PCDHA1: variants seen among roughly 807,000 people sequenced by gnomAD.
PCDHA1 encodes protocadherin alpha 1.
PCDHA1 carries 42 observed loss-of-function variants against 61.3 expected under a neutral mutation model. That is an observed-to-expected ratio of 0.69 (90% CI 0.54 to 0.89). The LOEUF (loss-of-function observed/expected upper bound fraction) is 0.89, where lower values mean the gene tolerates loss of function less well. Ranked by LOEUF, PCDHA1 falls within the 40% of genes least tolerant of loss-of-function variation. PCDHA1 has a pLI of 0.00. For synonymous variants in PCDHA1, 610 were observed against 553.8 expected, an observed-to-expected ratio of 1.10 and a Z score of -1.43; for missense variants, 1,256 against 1,235.3, an observed-to-expected ratio of 1.02 and a Z score of -0.25.
intron 1 of PCDHA1, among the ~76,000 whole-genome samples, chr5:140,917,311 G>T (rs2078013594): frequency 6.7e-6 from 1 of 148,748 alleles, no homozygotes; most frequent in Non-Finnish European, 1.5e-5. Flanking sequence ...GTTACAATTT[G>T]GTGTTCATGT....
intron 1 of PCDHA1, chr5:140,822,232 C>T (rs1408696060): frequency 1.2e-6 from 2 of 1,614,214 alleles, no homozygotes; most frequent in Admixed American, 3.3e-5. Flanking sequence ...GCGGTTTCCG[C>T]TAGAGGGCGC....
At chr5:140,828,006 A>G in intron 1 of PCDHA1, 1 of 1,503,668 alleles carries the variant, frequency 6.7e-7, no homozygotes, top group Non-Finnish European at 8.9e-7. Flanking sequence ...GACGCAGAAG[A>G]AATGGATTAA....
chr5:140,795,440 A>T (rs1581614405), intron 1 of PCDHA1: 6 of 1,614,186 alleles, frequency 3.7e-6, no homozygotes, highest in Admixed American at 1.7e-5. Flanking sequence ...GGAGCATCTG[A>T]TGCAGATATA....
intron 1 of PCDHA1, chr5:140,843,119 G>C (rs2150353177): frequency 6.3e-7 from 1 of 1,595,872 alleles, no homozygotes; most frequent in South Asian, 1.1e-5. Flanking sequence ...AGTGGACGCC[G>C]ACTCGGGCTA....
At chr5:140,848,341 T>C (rs1175376105) in intron 1 of PCDHA1, 6 of 896,220 alleles carry the variant, frequency 6.7e-6, no homozygotes, top group Non-Finnish European at 1.0e-5. Context: ...TCCAGACAAA[T>C]ACAGCCCTTT....
intron 1 of PCDHA1, chr5:140,928,069 A>C (rs782427256): frequency 6.2e-7 from 1 of 1,614,180 alleles, no homozygotes; most frequent in Non-Finnish European, 8.5e-7. Context: ...TTCCTTTGAC[A>C]ACTACTACAG....
chr5:140,908,846 T>C (rs2074185614), intron 1 of PCDHA1, among the ~76,000 whole-genome samples: 1 of 152,176 alleles, frequency 6.6e-6, no homozygotes, highest in South Asian at 2.1e-4. Context: ...TGGAGTAACA[T>C]ACCCAAATGA....
At chr5:140,796,552 C>T (rs1275067211) in intron 1 of PCDHA1, 3 of 1,613,104 alleles carry the variant, frequency 1.9e-6, no homozygotes, top group South Asian at 2.2e-5. Flanking sequence ...GGAAGTGGAG[C>T]TGCTGCAGTT....
intron 1 of PCDHA1, chr5:140,852,574 G>T (rs1056497020): frequency 3.8e-6 from 3 of 793,008 alleles, no homozygotes; most frequent in Non-Finnish European, 4.7e-6. Context: ...CTGTGCCAAG[G>T]CTTTTTTATT....
rs2150363462 is a variant in PCDHA1 at position 140,843,611 on chromosome 5, C to A, written c.2394+54927C>A. 3 of 1,595,894 alleles carry A rather than the reference C, an allele frequency of 1.9e-6. No individual in the cohort carries two copies. In the South Asian group the frequency reaches 3.3e-5, roughly 18 times the overall value. ...GCAGAGGGTGTGCTCTGGTGAGGGG[C>A]CACCGAAGACGGACCTCATGGCCTT... On this transcript the variant is annotated intron_variant, in intron 1 of 3. Coordinates refer to ENST00000504120, the MANE Select transcript of PCDHA1 (RefSeq NM_018900.4).
At chr5:140,801,262 C>T in intron 1 of PCDHA1, 3 of 1,613,770 alleles carry the variant, frequency 1.9e-6, no homozygotes, top group Non-Finnish European at 2.5e-6. Flanking sequence ...CTGCTCCTCG[C>T]AGCCTCGGAG....
At chr5:140,802,356 T>A in intron 1 of PCDHA1, 12 of 1,614,264 alleles carry the variant, frequency 7.4e-6, no homozygotes, top group Non-Finnish European at 1.0e-5. Flanking sequence ...ACAGGTCACC[T>A]GCTCGCTGAC....
intron 1 of PCDHA1, among the ~76,000 whole-genome samples, chr5:140,971,657 G>A (rs961666289): frequency 1.3e-5 from 2 of 151,992 alleles, no homozygotes; most frequent in African/African-American, 4.8e-5. Flanking sequence ...AAGTAGATGG[G>A]AATTAGAGAG....
chr5:140,925,585 A>T (rs1450626568), intron 1 of PCDHA1, among the ~76,000 whole-genome samples: 1 of 151,748 alleles, frequency 6.6e-6, no homozygotes, highest in Non-Finnish European at 1.5e-5. Flanking sequence ...AACATGGCGC[A>T]TGTATACATA....
At position 140,787,336 on chromosome 5, in the gene PCDHA1, A is replaced by G; in HGVS notation, c.1046A>G (p.Glu349Gly). 1.9e-6 allele frequency: 3 copies of G among 1,614,194 alleles called. No individual in the cohort carries two copies. The highest frequency in any genetic ancestry group is 2.5e-6 in the Non-Finnish European group (3 of 1,180,010). ...CTGGATGTAAATGATAATGCTCCAG[A>G]ACTGGCGGTCACTTCATTGTATTTG... ...KVLDVNDNAP[E>G]LAVTSLYLPI... The change falls in exon 1 of 4, where the codon GAA (glutamate) becomes GGA (glycine). Residue 349 changes from glutamate to glycine, a missense_variant. By Grantham distance (98) the Glu-to-Gly change is moderately conservative. Transcript: ENST00000504120.
In PCDHA1 at chr5:141,011,378, C is replaced by T. The variant is rs1419825590; in HGVS notation, c.*1441C>T. 1 of 153,742 alleles carries T rather than the reference C, an allele frequency of 6.5e-6. No individual in the cohort carries two copies. Among genetic ancestry groups the T allele is most frequent in the African/African-American group, 2.4e-5 (1 of 41,460 alleles). The allele number at this position is 153,742 out of a possible 1,614,324, so 9.5% of individuals were successfully genotyped here. Reference sequence around the variant, plus strand: ...ATGTATGCTGTATGCTATGCTAAGACTCCTGAAATATACTTACTCTGTGCT... The same window carrying T: ...ATGTATGCTGTATGCTATGCTAAGATTCCTGAAATATACTTACTCTGTGCT... On this transcript the variant is annotated 3_prime_UTR_variant, in exon 4 of 4. Coordinates refer to ENST00000504120, the MANE Select transcript of PCDHA1 (RefSeq NM_018900.4).
chr5:140,862,415 G>T (rs1382532896), intron 1 of PCDHA1: 12 of 348,784 alleles, frequency 3.4e-5, no homozygotes, highest in Admixed American at 1.9e-4. Context: ...TTCAAAAGGC[G>T]CTGCCCAGAA....
chr5:140,877,821 T>C (rs2057358206), intron 1 of PCDHA1: 1 of 1,603,226 alleles, frequency 6.2e-7, no homozygotes, highest in East Asian at 2.2e-5. Flanking sequence ...GAGAAGATTG[T>C]TTAAATCCTC....
chr5:140,948,705 T>C (rs1585306851), intron 1 of PCDHA1, among the ~76,000 whole-genome samples: 1 of 151,580 alleles, frequency 6.6e-6, no homozygotes, highest in African/African-American at 2.4e-5. Context: ...ATTTGTGTTC[T>C]ATCCTCTTTT....
Sources: allele counts gnomAD v4.1 joint callset (sites outside exome capture counted in the v4.1 genomes callset), GRCh38; gene constraint gnomAD v4.1.1; transcripts MANE v1.5; gene names NCBI Gene and HGNC (gene_info 2026-07-23, HGNC 2026-07-21).